Variants in NTM observed in about 807,000 individuals in gnomAD.
NTM encodes the protein neurotrimin, also known as IgLON family member 2.
Under a neutral mutation model 42.1 loss-of-function variants are expected in NTM, and 13 were observed. That is an observed-to-expected ratio of 0.31 (90% CI 0.20 to 0.49). The LOEUF is 0.49. Among genes scored for constraint, NTM ranks in the 20% least tolerant of loss-of-function variants. The pLI is 0.99. For missense variants in NTM, 373 were observed against 452.8 expected, an observed-to-expected ratio of 0.82 and a Z score of 1.60; for synonymous variants, 187 against 179.2, an observed-to-expected ratio of 1.04 and a Z score of -0.35.
intron 1 of NTM, among the ~76,000 whole-genome samples, chr11:131,708,501 C>T (rs1207586456): frequency 6.6e-6 from 1 of 152,112 alleles, no homozygotes; most frequent in African/African-American, 2.4e-5. Flanking sequence ...TGAAAATACA[C>T]CTGTGTTCCC....
At chr11:131,701,103 T>C (rs1183976005) in intron 1 of NTM, among the ~76,000 whole-genome samples, 1 of 152,164 alleles carries the variant, frequency 6.6e-6, no homozygotes, top group Non-Finnish European at 1.5e-5. Context: ...TTCCAGTTGG[T>C]GGACAGTATA....
chr11:131,576,259 G>C (rs3133332), intron 1 of NTM, among the ~76,000 whole-genome samples: 81,808 of 152,038 alleles, frequency 0.54, 22,274 homozygotes, highest in South Asian at 0.68. Context: ...CTCTTCTCCA[G>C]CACAGCTGAA....
At chr11:131,925,309 C>T (rs892412553) in intron 2 of NTM, among the ~76,000 whole-genome samples, 14 of 150,500 alleles carry the variant, frequency 9.3e-5, no homozygotes, top group African/African-American at 2.9e-4. Context: ...GATTTGTAGG[C>T]TTGTTCTCAA....
At chr11:131,375,166 G>A (rs1362901752) in intron 1 of NTM, among the ~76,000 whole-genome samples, 2 of 152,092 alleles carry the variant, frequency 1.3e-5, no homozygotes, top group African/African-American at 4.8e-5. Flanking sequence ...TCTGTTTTCT[G>A]TAGGGAAAAA....
intron 1 of NTM, among the ~76,000 whole-genome samples, chr11:131,825,859 G>T (rs1179060783): frequency 6.6e-6 from 1 of 152,194 alleles, no homozygotes; most frequent in African/African-American, 2.4e-5. Flanking sequence ...TCTTGACTAT[G>T]AAGAGTTTAT....
chr11:132,200,635 G>T (rs2138450056), intron 3 of NTM, among the ~76,000 whole-genome samples: 1 of 152,324 alleles, frequency 6.6e-6, no homozygotes, highest in African/African-American at 2.4e-5. Flanking sequence ...CGCCATGAAG[G>T]CAGCTGAGAA....
chr11:131,427,339 C>G (rs1045046227), intron 1 of NTM, among the ~76,000 whole-genome samples: 7 of 152,106 alleles, frequency 4.6e-5, no homozygotes, highest in African/African-American at 1.7e-4. Flanking sequence ...AAAATGGCAG[C>G]TTCTCTTATC....
At chr11:131,908,308 T>C (rs1592741386) in intron 1 of NTM, among the ~76,000 whole-genome samples, 1 of 152,260 alleles carries the variant, frequency 6.6e-6, no homozygotes, top group East Asian at 1.9e-4. Flanking sequence ...TAAAGCATCT[T>C]CCATCTTAAA....
chr11:131,997,373 G>A (rs537317504), intron 2 of NTM, among the ~76,000 whole-genome samples: 175 of 152,132 alleles, frequency 1.2e-3, no homozygotes, highest in Non-Finnish European at 2.1e-3. Context: ...TTCTGGGTAC[G>A]TGCGGAACAC....
At chr11:131,987,874 C>T (rs2066343983) in intron 2 of NTM, among the ~76,000 whole-genome samples, 2 of 152,200 alleles carry the variant, frequency 1.3e-5, no homozygotes, top group Non-Finnish European at 2.9e-5. Flanking sequence ...TATATGCCAG[C>T]CAGTGGGCTA....
chr11:131,785,751 A>AT (rs976993741), intron 1 of NTM, among the ~76,000 whole-genome samples: 12 of 152,332 alleles, frequency 7.9e-5, no homozygotes, highest in East Asian at 1.9e-4. Context: ...GGTTACGGTA[A>AT]TTTTTTAATC....
intron 1 of NTM, among the ~76,000 whole-genome samples, chr11:131,790,736 A>C (rs565478567): frequency 6.6e-6 from 1 of 152,324 alleles, no homozygotes; most frequent in East Asian, 1.9e-4. Context: ...TACAGCTCAC[A>C]AGACAGTAAG....
intron 2 of NTM, among the ~76,000 whole-genome samples, chr11:131,957,168 C>T (rs1020223902): frequency 6.6e-6 from 1 of 151,992 alleles, no homozygotes; most frequent in African/African-American, 2.4e-5. Flanking sequence ...GTTTTCTTTC[C>T]AAGATATTAC....
At chr11:131,529,305 TA>T (rs2050921745) in intron 1 of NTM, among the ~76,000 whole-genome samples, 1 of 152,134 alleles carries the variant, frequency 6.6e-6, no homozygotes, top group Admixed American at 6.5e-5. Context: ...GATAGACTCT[TA>T]GATAATTGAT....
chr11:131,516,455 G>T (rs763883943), intron 1 of NTM, among the ~76,000 whole-genome samples: 1 of 152,048 alleles, frequency 6.6e-6, no homozygotes, highest in Non-Finnish European at 1.5e-5. Context: ...CTCGGCTCAC[G>T]CAATCTCCGC....
At chr11:131,473,175 C>T (rs1489216524) in intron 1 of NTM, among the ~76,000 whole-genome samples, 1 of 152,098 alleles carries the variant, frequency 6.6e-6, no homozygotes, top group East Asian at 1.9e-4. Flanking sequence ...GAACAGTGAG[C>T]CTCTCACCCC....
intron 2 of NTM, among the ~76,000 whole-genome samples, chr11:132,053,242 C>T (rs1388358157): frequency 6.6e-6 from 1 of 152,156 alleles, no homozygotes; most frequent in African/African-American, 2.4e-5. Context: ...GGTCACCCAC[C>T]TGACAAGTGA....
chr11:131,730,543 G>A (rs571962464), intron 1 of NTM, among the ~76,000 whole-genome samples: 1 of 151,974 alleles, frequency 6.6e-6, no homozygotes, highest in South Asian at 2.1e-4. Context: ...AGTGAGTGAG[G>A]CCTGGTCTTT....
intron 1 of NTM, among the ~76,000 whole-genome samples, chr11:131,697,019 C>T (rs1046435132): frequency 3.9e-5 from 6 of 152,154 alleles, no homozygotes; most frequent in South Asian, 2.1e-4. Flanking sequence ...TGGAGAAAAG[C>T]GACAGAGATG....
Sources: gnomAD v4.1 joint callset for allele counts (sites outside exome capture counted in the v4.1 genomes callset) on GRCh38, gnomAD v4.1.1 for gene constraint, MANE v1.5 for transcripts, NCBI Gene and HGNC (gene_info 2026-07-23, HGNC 2026-07-21) for gene names.